CCDC171: variants seen among roughly 807,000 people sequenced by gnomAD.
CCDC171 encodes the protein coiled-coil domain containing 171.
A neutral mutation model predicts 168.2 loss-of-function variants in CCDC171; 177 were observed. The ratio of observed to expected loss-of-function variants is 1.05; its 90% CI spans 0.93 to 1.19. CCDC171 has a LOEUF of 1.19. Ranked by LOEUF, CCDC171 falls within the 50% of genes most tolerant of loss-of-function variation. The pLI is 0.00. For missense variants in CCDC171, 1,991 were observed against 1,539.0 expected (o/e 1.29, Z -4.91); for synonymous variants, 687 against 540.8 (o/e 1.27, Z -3.75).
intron 11 of CCDC171, 112 bp from the exon 12 acceptor site, chr9:15,721,657 T>G (rs1047742851): frequency 9.2e-5 from 40 of 433,084 alleles, no homozygotes; most frequent in African/African-American, 6.8e-4. Context: ...GTATTAATAG[T>G]TTCATAACGT....
intron 16 of CCDC171, 113 bp from the exon 17 acceptor site, chr9:15,744,160 T>C: frequency 1.2e-6 from 1 of 838,430 alleles, no homozygotes; most frequent in East Asian, 2.7e-5. Flanking sequence ...ACATGTATCT[T>C]TTAAAGAGGA....
rs562515557 is a variant in CCDC171, at chr9:16,020,007, A to G, written n.369-582A>G. ...TAGTTCCCCTTTATCTGCAAGGGGT[A>G]TGTTCCAAGAACCCCAGTGGAAGCT... On this transcript the variant is annotated intron_variant and non_coding_transcript_variant, in intron 3 of 9. Transcript: ENST00000486641. Among the ~76,000 whole-genome samples, 54 of 152,326 alleles carry G rather than the reference A, an allele frequency of 3.5e-4. 1 individual carries two copies. Among genetic ancestry groups the G allele is most frequent in the Admixed American group, 1.8e-3 (27 of 15,298 alleles).
rs1832297409 is a variant in CCDC171 at position 15,994,203 on chromosome 9, T to C, written n.369-26386T>C. On this transcript the variant is annotated intron_variant and non_coding_transcript_variant, in intron 3 of 9. Transcript: ENST00000486641. ...AACCAACCCTAATGTCCATCAATGA[T>C]AGACTGGATTAAGAAAATGTGGCCC... 2.0e-5 allele frequency among the ~76,000 whole-genome samples: 3 copies of C among 152,302 alleles called. No individual in the cohort carries two copies. The South Asian group carries it at 6.2e-4, about 32-fold the overall frequency.
chr9:15,727,955 A>C lies in CCDC171; in HGVS notation c.1779A>C (p.Lys593Asn), dbSNP rs774534292. 32 of 1,613,390 alleles carry C rather than the reference A, an allele frequency of 2.0e-5. 1 individual carries two copies. In the South Asian group the frequency reaches 2.6e-4, roughly 13 times the overall value. The change falls in exon 15 of 26, where the codon AAA becomes AAC. Residue 593 changes from lysine (K) to asparagine (N), a missense_variant. Transcript: ENST00000380701. The stretch of plus-strand genomic sequence containing the variant: ...AACAACCAGAAGGCATGCTGGATAA[A>C]TTCTCTTGGTCTGAGCTTTGTGCAG... ...LIKQPEGMLD[K>N]FSWSELCAVL...
At chr9:15,612,408 T>G (rs1408007086) in intron 6 of CCDC171, among the ~76,000 whole-genome samples, 1 of 152,254 alleles carries the variant, frequency 6.6e-6, no homozygotes, top group Non-Finnish European at 1.5e-5. Flanking sequence ...CCATTTGTTT[T>G]TATTTTTTAC....
At chr9:16,014,621 A>G (rs1832963711) in intron 3 of CCDC171, among the ~76,000 whole-genome samples, 1 of 152,216 alleles carries the variant, frequency 6.6e-6, no homozygotes, top group South Asian at 2.1e-4. Flanking sequence ...TAGAAAGTCA[A>G]AAGTACTCCT....
At chr9:15,707,823 C>T (rs1413667336) in intron 11 of CCDC171, among the ~76,000 whole-genome samples, 2 of 152,112 alleles carry the variant, frequency 1.3e-5, no homozygotes, top group African/African-American at 4.8e-5. Context: ...ATAAAGAAAA[C>T]ATTCAGATAA....
At chr9:15,790,590 T>C (rs202201055) in intron 21 of CCDC171, among the ~76,000 whole-genome samples, 4 of 152,136 alleles carry the variant, frequency 2.6e-5, no homozygotes, top group African/African-American at 7.2e-5. Flanking sequence ...TGCAGAAGCT[T>C]TTTAGTTTAA....
At chr9:16,091,699 A>G in the CCDC171 span, among the ~76,000 whole-genome samples, 1 of 152,160 alleles carries the variant, frequency 6.6e-6, no homozygotes, top group Non-Finnish European at 1.5e-5. Flanking sequence ...AGGCCTGTTG[A>G]TATTTCTGAT....
rs754593075 is a variant in CCDC171, at chr9:15,610,444, T to TAAAAAAAAAAAAAAAAAAA, written c.676-12804_676-12786dup. ...CAACATGGTGAAACCCCATCTCAAC[T>TAAAAAAAAAAAAAAAAAAA]AAAAAAAAAAAAAAAAAAAAAAAAA... On this transcript the variant is annotated intron_variant, in intron 6 of 25. Transcript: ENST00000380701. Among the ~76,000 whole-genome samples the TAAAAAAAAAAAAAAAAAAA allele has an allele frequency of 2.4e-4, 3 of 12,724 alleles. 1 individual carries two copies. Among genetic ancestry groups the TAAAAAAAAAAAAAAAAAAA allele is most frequent in the Non-Finnish European group, 4.6e-4 (3 of 6,454 alleles). 8.3% of individuals were successfully genotyped at this position (12,724 alleles called of 152,430 possible).
intron 7 of CCDC171, among the ~76,000 whole-genome samples, chr9:15,633,724 C>G (rs1012140694): frequency 6.6e-6 from 1 of 152,138 alleles, no homozygotes; most frequent in Non-Finnish European, 1.5e-5. Context: ...CACATGCACA[C>G]GTATGTTTAT....
At chr9:15,799,974 G>A (rs1196086605) in intron 21 of CCDC171, among the ~76,000 whole-genome samples, 3 of 152,010 alleles carry the variant, frequency 2.0e-5, no homozygotes, top group Non-Finnish European at 2.9e-5. Flanking sequence ...TTATGGCTGC[G>A]TAATACTCTA....
At chr9:15,553,717 C>CT (rs1448401201) in intron 1 of CCDC171, 2 of 152,192 alleles carry the variant, frequency 1.3e-5, no homozygotes, top group Non-Finnish European at 2.9e-5. Flanking sequence ...ATGAGTTGTG[C>CT]TAGACTGTCA....
chr9:15,645,509 G>C (rs2046968287), intron 7 of CCDC171, among the ~76,000 whole-genome samples: 1 of 152,178 alleles, frequency 6.6e-6, no homozygotes, highest in Non-Finnish European at 1.5e-5. Context: ...AAAAAGGTTG[G>C]ACGAATGGCT....
chr9:15,838,219 C>G (rs1287543152), intron 21 of CCDC171, among the ~76,000 whole-genome samples: 1 of 152,074 alleles, frequency 6.6e-6, no homozygotes, highest in East Asian at 1.9e-4. Flanking sequence ...ATATAATACT[C>G]TAGCATATTA....
chr9:15,625,780 G>C (rs1475393965), intron 7 of CCDC171, among the ~76,000 whole-genome samples: 3 of 152,150 alleles, frequency 2.0e-5, no homozygotes, highest in Admixed American at 6.6e-5. Context: ...TTTTTGCTTA[G>C]GATTGTCTTG....
At chr9:15,562,484 T>A (rs1192274501) in intron 1 of CCDC171, among the ~76,000 whole-genome samples, 2 of 152,314 alleles carry the variant, frequency 1.3e-5, no homozygotes, top group African/African-American at 4.8e-5. Flanking sequence ...TAGAGGACCA[T>A]TCAGATTTGA....
intron 25 of CCDC171, among the ~76,000 whole-genome samples, chr9:15,962,177 C>G (rs1186211256): frequency 6.6e-6 from 1 of 152,144 alleles, no homozygotes; most frequent in Non-Finnish European, 1.5e-5. Context: ...ATGCTTGTAA[C>G]AGAAAACATA....
intron 23 of CCDC171, among the ~76,000 whole-genome samples, chr9:15,850,808 T>A (rs563618999): frequency 2.6e-5 from 4 of 152,010 alleles, no homozygotes; most frequent in Non-Finnish European, 5.9e-5. Context: ...GGCATTTTGC[T>A]GTCTTTGATG....
Sources: gnomAD v4.1 joint callset for allele counts (sites outside exome capture counted in the v4.1 genomes callset) on GRCh38, gnomAD v4.1.1 for gene constraint, MANE v1.5 for transcripts, NCBI Gene and HGNC (gene_info 2026-07-23, HGNC 2026-07-21) for gene names.